RTN4: variants seen among roughly 807,000 people sequenced by gnomAD.
RTN4 encodes reticulon-4.
RTN4 carries 32 observed loss-of-function variants against 90.4 expected under a neutral mutation model. The ratio of observed to expected loss-of-function variants is 0.35; its 90% CI spans 0.27 to 0.48. The LOEUF is 0.48. RTN4 is among the 20% of genes least tolerant of loss of function. RTN4 has a pLI of 0.99. For missense variants in RTN4, 1,706 were observed against 1,430.2 expected (o/e 1.19, Z -3.11); for synonymous variants, 629 against 552.5 (o/e 1.14, Z -1.94).
chr2:55,052,994 T>A (rs964707250), upstream of RTN4, among the ~76,000 whole-genome samples: 4 of 152,216 alleles, frequency 2.6e-5, no homozygotes, highest in African/African-American at 9.6e-5. Context: ...AGGAGTATCT[T>A]TAATCAAAGT....
At chr2:55,111,911 CGT>C (rs1668044875) in intron 1 of RTN4, among the ~76,000 whole-genome samples, 1 of 152,150 alleles carries the variant, frequency 6.6e-6, no homozygotes, top group Non-Finnish European at 1.5e-5. Flanking sequence ...TATGACTCAG[CGT>C]GTTGAAATCC....
chr2:55,065,263 T>C (rs990247435), intron 2 of RTN4, among the ~76,000 whole-genome samples: 2 of 152,250 alleles, frequency 1.3e-5, no homozygotes, highest in Non-Finnish European at 2.9e-5. Context: ...TTTACATTTC[T>C]ATAACTAAAA....
the RTN4 span, among the ~76,000 whole-genome samples, chr2:55,127,149 C>T: frequency 6.6e-6 from 1 of 151,952 alleles, no homozygotes; most frequent in Admixed American, 6.6e-5. Flanking sequence ...ATGTGTACCC[C>T]TAAATCTAAA....
intron 1 of RTN4, among the ~76,000 whole-genome samples, chr2:55,105,521 T>C (rs1667929085): frequency 6.6e-6 from 1 of 152,088 alleles, no homozygotes; most frequent in African/African-American, 2.4e-5. Flanking sequence ...TGAGCCACCA[T>C]GCTGGCTGAG....
chr2:55,025,876 A>T lies in RTN4; in HGVS notation c.2223T>A (p.Asp741Glu), dbSNP rs1445134136. The T allele has an allele frequency of 6.2e-7, 1 of 1,613,814 alleles. No individual in the cohort carries two copies. Among genetic ancestry groups the T allele is most frequent in the South Asian group, 1.1e-5 (1 of 91,078 alleles). ...CACTAAATAAGTCAACTGGTTCAGAATCAGGTGAGGAATCTTCAACTAGCT... is the reference window on the plus strand; with the variant it reads ...CACTAAATAAGTCAACTGGTTCAGATTCAGGTGAGGAATCTTCAACTAGCT... ...HSELVEDSSPDSEPVDLFSDD... is the reference protein window; with the variant it reads ...HSELVEDSSPESEPVDLFSDD... The change falls in exon 3 of 9, where the codon GAT (aspartate) becomes GAA (glutamate). Residue 741 changes from aspartate (D) to glutamate (E), a missense_variant. Transcript: ENST00000337526.
the RTN4 span, among the ~76,000 whole-genome samples, chr2:55,128,469 C>T: frequency 9.9e-5 from 15 of 152,160 alleles, no homozygotes; most frequent in Non-Finnish European, 2.1e-4. Flanking sequence ...CCAGAGCAAA[C>T]TCACTCCACT....
the RTN4 span, among the ~76,000 whole-genome samples, chr2:55,131,612 G>C: frequency 6.6e-6 from 1 of 152,168 alleles, no homozygotes; most frequent in African/African-American, 2.4e-5. Context: ...GGCAGGGCAC[G>C]GTGGCTCACA....
Position 54,973,131 on chromosome 2 carries a change from C to T in RTN4, c.*25G>A, listed in dbSNP as rs755099282. The T allele has an allele frequency of 4.4e-6, 7 of 1,591,966 alleles. No individual in the cohort carries two copies. The highest frequency in any genetic ancestry group is 4.3e-6 in the Non-Finnish European group (5 of 1,161,782). ...AATGAATATCCCCTTTAAAGATGAA[C>T]TCCTACTAATTATTTTGGGCGTTTT... On this transcript the variant is annotated 3_prime_UTR_variant, in exon 9 of 9. Coordinates refer to ENST00000337526, the MANE Select transcript of RTN4 (RefSeq NM_020532.5).
intron 1 of RTN4, among the ~76,000 whole-genome samples, chr2:55,081,553 C>T (rs1332353346): frequency 6.6e-6 from 1 of 152,038 alleles, no homozygotes; most frequent in Non-Finnish European, 1.5e-5. Context: ...TTATTTATTT[C>T]ATCCCATTGA....
At chr2:55,078,340 G>A (rs1404611952) in intron 2 of RTN4, among the ~76,000 whole-genome samples, 2 of 152,112 alleles carry the variant, frequency 1.3e-5, no homozygotes, top group Non-Finnish European at 2.9e-5. Context: ...CTGGGCTCAA[G>A]TGATCCTCCC....
intron 2 of RTN4, among the ~76,000 whole-genome samples, chr2:55,079,824 T>C (rs1326041347): frequency 1.3e-5 from 2 of 152,186 alleles, no homozygotes; most frequent in East Asian, 1.9e-4. Flanking sequence ...CTGAAACTAG[T>C]ACAGCATACT....
At chr2:55,034,797 T>C (rs555953212) in intron 1 of RTN4, among the ~76,000 whole-genome samples, 46 of 152,140 alleles carry the variant, frequency 3.0e-4, no homozygotes, top group African/African-American at 9.9e-4. Flanking sequence ...GCACAAATTA[T>C]CACAAAATAC....
intron 2 of RTN4, among the ~76,000 whole-genome samples, chr2:55,075,101 T>C (rs1475853265): frequency 6.6e-6 from 1 of 152,108 alleles, no homozygotes; most frequent in Admixed American, 6.5e-5. Context: ...GAGAAAGAAA[T>C]AAAAGGCATC....
intron 2 of RTN4, among the ~76,000 whole-genome samples, chr2:55,057,983 AAAAAT>A (rs1178668704): frequency 2.0e-5 from 3 of 152,170 alleles, no homozygotes; most frequent in Admixed American, 2.0e-4. Context: ...ATCCTATCTC[AAAAAT>A]AAAATAAATA....
intron 3 of RTN4, among the ~76,000 whole-genome samples, chr2:54,993,684 C>T (rs1221153644): frequency 6.6e-6 from 1 of 152,280 alleles, no homozygotes; most frequent in East Asian, 1.9e-4. Context: ...AAGCAGGTAT[C>T]ATGACAGACA....
intron 1 of RTN4, among the ~76,000 whole-genome samples, chr2:55,043,128 C>G (rs1025450730): frequency 6.6e-6 from 1 of 152,162 alleles, no homozygotes; most frequent in African/African-American, 2.4e-5. Context: ...TTTTGCATAC[C>G]TATGTCCTGC....
At chr2:55,084,865 G>C (rs1668807819) in intron 1 of RTN4, among the ~76,000 whole-genome samples, 1 of 152,110 alleles carries the variant, frequency 6.6e-6, no homozygotes, top group African/African-American at 2.4e-5. Context: ...GCTCACTGCA[G>C]CCTGAACCTC....
chr2:55,070,545 C>CAAAAAAAAAAAAAAAAA (rs747838297), intron 2 of RTN4, among the ~76,000 whole-genome samples: 1 of 67,322 alleles, frequency 1.5e-5, no homozygotes, highest in African/African-American at 5.3e-5. Context: ...GACTCTGTCT[C>CAAAAAAAAAAAAAAAAA]AAAAAAAAAA....
intron 1 of RTN4, among the ~76,000 whole-genome samples, chr2:55,044,747 T>C (rs1683301311): frequency 7.4e-6 from 1 of 134,974 alleles, no homozygotes; most frequent in South Asian, 2.3e-4. Flanking sequence ...TACCCATCAC[T>C]TCATTTTAAA....
Sources: gnomAD v4.1 joint callset for allele counts (sites outside exome capture counted in the v4.1 genomes callset) on GRCh38, gnomAD v4.1.1 for gene constraint, MANE v1.5 for transcripts, NCBI Gene and HGNC (gene_info 2026-07-23, HGNC 2026-07-21) for gene names.